HSPA12A: variants seen among roughly 807,000 people sequenced by gnomAD.
The protein encoded by HSPA12A is heat shock protein family A (Hsp70) member 12A.
In HSPA12A, 28 loss-of-function variants were observed where a neutral mutation model predicts 69.2. The observed-to-expected ratio is 0.40, with a 90% CI of 0.30 to 0.55. The LOEUF is 0.55. HSPA12A is among the 20% of genes least tolerant of loss of function. The pLI is 0.38. For synonymous variants in HSPA12A, 345 were observed against 370.5 expected, an observed-to-expected ratio of 0.93 and a Z score of 0.79; for missense variants, 686 against 900.7, an observed-to-expected ratio of 0.76 and a Z score of 3.05.
Position 116,707,298 on chromosome 10 carries a change from A to ACAAAGCC in HSPA12A, c.41-20_41-14dup, listed in dbSNP as rs1554882610. 1.9e-6 allele frequency: 3 copies of ACAAAGCC among 1,603,484 alleles called. No homozygotes were observed. The South Asian group carries it at 3.4e-5, about 18-fold the overall frequency. On this transcript the variant is annotated splice_polypyrimidine_tract_variant and intron_variant, in intron 1 of 11. Coordinates refer to ENST00000369209, the MANE Select transcript of HSPA12A (RefSeq NM_025015.3). ...GTGGGAGCCGTTTCTGAAAGGAAAA[A>ACAAAGCC]CAAAGCCGCCTCCTTAGAAGTGGCA...
At chr10:116,840,623 C>T (rs991074243) in intron 1 of HSPA12A, among the ~76,000 whole-genome samples, 25 of 152,174 alleles carry the variant, frequency 1.6e-4, no homozygotes, top group Admixed American at 1.1e-3. Flanking sequence ...AATTTTACAT[C>T]AAAAAGAAAT....
intron 2 of HSPA12A, among the ~76,000 whole-genome samples, chr10:116,797,770 T>C (rs1329106259): frequency 6.6e-6 from 1 of 151,260 alleles, no homozygotes; most frequent in African/African-American, 2.4e-5. Flanking sequence ...GGGGCAGGGA[T>C]GAACACATGA....
chr10:116,770,898 G>GA (rs1167141545), intron 2 of HSPA12A, among the ~76,000 whole-genome samples: 1 of 151,786 alleles, frequency 6.6e-6, no homozygotes, highest in Admixed American at 6.6e-5. Flanking sequence ...CCTCTCTTGG[G>GA]GGAGATTTTT....
intron 2 of HSPA12A, among the ~76,000 whole-genome samples, chr10:116,809,451 T>G (rs1423486163): frequency 6.6e-6 from 1 of 152,200 alleles, no homozygotes; most frequent in African/African-American, 2.4e-5. Context: ...AGCCTTAGTT[T>G]CCTTGTTTCT....
intron 2 of HSPA12A, among the ~76,000 whole-genome samples, chr10:116,825,450 G>A (rs1845485428): frequency 6.6e-6 from 1 of 152,128 alleles, no homozygotes; most frequent in Non-Finnish European, 1.5e-5. Flanking sequence ...GGCAGAGGTT[G>A]CAGTGAGACT....
At chr10:116,842,420 A>AT (rs1845816523) in intron 1 of HSPA12A, among the ~76,000 whole-genome samples, 1 of 152,110 alleles carries the variant, frequency 6.6e-6, no homozygotes, top group Non-Finnish European at 1.5e-5. Context: ...CATATTGTTT[A>AT]TTTTGCTATT....
At chr10:116,824,673 C>T (rs1449323324) in intron 2 of HSPA12A, among the ~76,000 whole-genome samples, 1 of 152,210 alleles carries the variant, frequency 6.6e-6, no homozygotes, top group East Asian at 1.9e-4. Context: ...CTTGCTCTGT[C>T]ACCCAGGCTG....
At chr10:116,775,318 G>A (rs1554890972) in intron 2 of HSPA12A, among the ~76,000 whole-genome samples, 2 of 152,188 alleles carry the variant, frequency 1.3e-5, no homozygotes, top group South Asian at 2.1e-4. Flanking sequence ...AGTGAGACGG[G>A]AGCCTGGGAT....
intron 2 of HSPA12A, among the ~76,000 whole-genome samples, chr10:116,807,536 C>A (rs1845092396): frequency 6.6e-6 from 1 of 152,256 alleles, no homozygotes; most frequent in Non-Finnish European, 1.5e-5. Context: ...GTTGATGTAG[C>A]AATGCTTCTA....
intron 1 of HSPA12A, among the ~76,000 whole-genome samples, chr10:116,843,032 G>A (rs1448080790): frequency 4.6e-5 from 7 of 152,204 alleles, no homozygotes; most frequent in Admixed American, 3.3e-4. Context: ...TAAACTGCCA[G>A]CAGTAGCATC....
chr10:116,813,703 ACCCT>A (rs2133187221), intron 2 of HSPA12A, among the ~76,000 whole-genome samples: 1 of 151,030 alleles, frequency 6.6e-6, no homozygotes, highest in East Asian at 2.0e-4. Context: ...ACATAGCAAG[ACCCT>A]CCCTCTCTAC....
intron 2 of HSPA12A, among the ~76,000 whole-genome samples, chr10:116,757,276 G>A (rs1554888867): frequency 6.6e-6 from 1 of 151,798 alleles, no homozygotes; most frequent in Non-Finnish European, 1.5e-5. Flanking sequence ...GATTTTGCCT[G>A]TGTCCCAGGA....
chr10:116,788,456 T>C (rs1224813298), intron 2 of HSPA12A, among the ~76,000 whole-genome samples: 1 of 152,208 alleles, frequency 6.6e-6, no homozygotes, highest in African/African-American at 2.4e-5. Flanking sequence ...ATAGCTTGTT[T>C]CTCCCCTTGC....
At chr10:116,679,862 A>G (rs1014422410) in intron 9 of HSPA12A, 101 bp from the exon 10 acceptor site, 6 of 1,226,906 alleles carry the variant, frequency 4.9e-6, no homozygotes, top group Non-Finnish European at 7.0e-6. Context: ...TGAGCCACTT[A>G]GCAATGGGAC....
chr10:116,784,128 G>T (rs1844523328), intron 2 of HSPA12A, among the ~76,000 whole-genome samples: 1 of 152,282 alleles, frequency 6.6e-6, no homozygotes, highest in Non-Finnish European at 1.5e-5. Context: ...AGATGGCTAA[G>T]TGGGACAGCC....
Position 116,771,159 on chromosome 10 carries a change from G to A in HSPA12A, c.91+63776C>T, listed in dbSNP as rs782561913. On this transcript the variant is annotated intron_variant, in intron 2 of 12. Coordinates refer to the HSPA12A transcript ENST00000635765. ...CGCAGGCTCAGAGCAACCCAGAGAT[G>A]CCCCAAGTCCACGGTTCAAAGGCCC... 7.2e-5 allele frequency among the ~76,000 whole-genome samples: 11 copies of A among 152,334 alleles called. 1 individual carries two copies. In the South Asian group the frequency reaches 2.3e-3, roughly 32 times the overall value.
chr10:116,715,699 A>G (rs1485409981), intron 1 of HSPA12A, among the ~76,000 whole-genome samples: 2 of 152,242 alleles, frequency 1.3e-5, no homozygotes, highest in Non-Finnish European at 2.9e-5. Flanking sequence ...TGCCAGTTAC[A>G]TGGAAGCTCC....
chr10:116,816,454 G>A (rs370857568), intron 2 of HSPA12A, among the ~76,000 whole-genome samples: 3 of 152,196 alleles, frequency 2.0e-5, no homozygotes, highest in East Asian at 1.9e-4. Context: ...CCTTTTCTCC[G>A]AGGCCTGGAG....
At chr10:116,788,342 C>T (rs1443569222) in intron 2 of HSPA12A, among the ~76,000 whole-genome samples, 1 of 152,082 alleles carries the variant, frequency 6.6e-6, no homozygotes. Context: ...AATACCGAAG[C>T]GAAAACAAGT....
Sources: gnomAD v4.1 joint callset for allele counts (sites outside exome capture counted in the v4.1 genomes callset) on GRCh38, gnomAD v4.1.1 for gene constraint, MANE v1.5 for transcripts, NCBI Gene and HGNC (gene_info 2026-07-23, HGNC 2026-07-21) for gene names.